HMCN2: variants seen among roughly 807,000 people sequenced by gnomAD.
HMCN2 encodes hemicentin 2.
A neutral mutation model predicts 377.5 loss-of-function variants in HMCN2; 325 were observed. That is an observed-to-expected ratio of 0.86 (90% CI 0.79 to 0.94). The LOEUF is 0.94. Ranked by LOEUF, HMCN2 falls within the 40% of genes least tolerant of loss-of-function variation. HMCN2 has a pLI of 0.00. For missense variants in HMCN2, 4,543 were observed against 4,725.3 expected (o/e 0.96, Z 1.13); for synonymous variants, 2,007 against 2,046.8 (o/e 0.98, Z 0.53).
intron 90 of HMCN2, 23 bp from the exon 91 acceptor site, chr9:130,427,290 A>G (rs1318672698): frequency 4.5e-6 from 7 of 1,550,110 alleles, no homozygotes; most frequent in Non-Finnish European, 6.1e-6. Flanking sequence ...ATGTCCTTAG[A>G]GTCTATCCTC....
chr9:130,350,376 T>TAGAAAAAA (rs1839636955), intron 29 of HMCN2, among the ~76,000 whole-genome samples: 1 of 20,522 alleles, frequency 4.9e-5, no homozygotes, highest in Non-Finnish European at 1.5e-4. Flanking sequence ...CTGCTAAAAA[T>TAGAAAAAA]ACAAAAAAAT....
At chr9:130,386,041 C>T (rs565382858) in intron 60 of HMCN2, among the ~76,000 whole-genome samples, 115 of 152,310 alleles carry the variant, frequency 7.6e-4, no homozygotes, top group Middle Eastern at 3.4e-3. Context: ...TCCGCTCCGG[C>T]TGACCATCTG....
intron 35 of HMCN2, 67 bp from the exon 36 acceptor site, chr9:130,358,323 G>A (rs1361702017): frequency 6.9e-6 from 9 of 1,299,406 alleles, no homozygotes; most frequent in South Asian, 1.2e-5. Context: ...CAGCAGCCTG[G>A]CCACTCGCCA....
chr9:130,410,685 G>T (rs1843362528), intron 85 of HMCN2, 33 bp downstream of exon 85: 1 of 1,542,126 alleles, frequency 6.5e-7, no homozygotes, highest in South Asian at 1.2e-5. Flanking sequence ...TGGGGACGTG[G>T]GAAGTGTGCT....
chr9:130,362,807 CCCTTGGGG>C (rs1840453660), intron 39 of HMCN2, 52 bp from the exon 40 acceptor site: 1 of 985,106 alleles, frequency 1.0e-6, no homozygotes, highest in African/African-American at 1.7e-5. Context: ...GGGGTTCTGC[CCCTTGGGG>C]CCTGCAACAG....
intron 34 of HMCN2, 36 bp downstream of exon 34, chr9:130,356,293 G>A: frequency 9.5e-6 from 12 of 1,267,008 alleles, no homozygotes; most frequent in Non-Finnish European, 1.2e-5. Flanking sequence ...GCTGTGGGCA[G>A]CCTGAGATGC....
At chr9:130,277,694 T>TCACCACCACCACCATCATCATCAC (rs1564739119) in intron 1 of HMCN2, among the ~76,000 whole-genome samples, 7 of 148,932 alleles carry the variant, frequency 4.7e-5, no homozygotes, top group Admixed American at 6.8e-5. Context: ...ACCATCATCA[T>TCACCACCACCACCATCATCATCAC]CACCACCACC....
At chr9:130,408,366 G>T (rs1261133897) in intron 83 of HMCN2, among the ~76,000 whole-genome samples, 1 of 152,130 alleles carries the variant, frequency 6.6e-6, no homozygotes, top group Non-Finnish European at 1.5e-5. Flanking sequence ...TATAGTTATT[G>T]ATTTCCAAAG....
chr9:130,357,844 G>A lies in HMCN2; in HGVS notation c.5436G>A (p.Ser1812=), dbSNP rs112952057. Residue 1812 remains serine (S), a synonymous_variant, in exon 35 of 98, where the codon TCG becomes TCA. Coordinates refer to ENST00000683500, the MANE Select transcript of HMCN2 (RefSeq NM_001291815.2). ...EVEVSVHEFP[S]VSIIGGENIT... ...TCTTTCCCTTCCCAGAGTTCCCATC[G>A]GTCAGTATCATTGGGGGTGAGAACA... The A allele has an allele frequency of 3.8e-5, 50 of 1,303,282 alleles. No homozygotes were observed. Among genetic ancestry groups the A allele is most frequent in the East Asian group, 1.1e-4 (2 of 17,984 alleles). 80.7% of individuals were successfully genotyped at this position (1,303,282 alleles called of 1,614,324 possible).
chr9:130,284,385 C>T (rs905219086), intron 1 of HMCN2, among the ~76,000 whole-genome samples: 6 of 152,154 alleles, frequency 3.9e-5, no homozygotes, highest in Non-Finnish European at 7.3e-5. Flanking sequence ...CCCTGGAGCT[C>T]GGGTCCTGCT....
At chr9:130,424,515 A>G (rs1299290364) in intron 87 of HMCN2, among the ~76,000 whole-genome samples, 3 of 152,036 alleles carry the variant, frequency 2.0e-5, no homozygotes, top group Non-Finnish European at 1.5e-5. Context: ...TTTTGTAGAG[A>G]CAGAGTCTCA....
At position 130,394,444 on chromosome 9, in the gene HMCN2, CCCAT is replaced by C; in HGVS notation, c.10562_10565del (p.Pro3521ArgfsTer24). On this transcript the variant is annotated frameshift_variant, in exon 69 of 98. Coordinates refer to ENST00000683500, the MANE Select transcript of HMCN2 (RefSeq NM_001291815.2). LOFTEE classifies it high-confidence loss of function. The surrounding 1 kb of genome is among the most constrained non-coding windows in gnomAD (Gnocchi z 5.1). Reference sequence around the variant, plus strand: ...AGAGCTGTCGCTGACCCCCGGCGCCCCCATGGAGCTCCTCTGTGATGCCCAGGGC... The same window carrying C: ...AGAGCTGTCGCTGACCCCCGGCGCCCGGAGCTCCTCTGTGATGCCCAGGGC... The C allele has an allele frequency of 7.8e-7, 1 of 1,289,786 alleles. No homozygotes were observed. Among genetic ancestry groups the C allele is most frequent in the Non-Finnish European group, 1.0e-6 (1 of 988,826 alleles). The allele number at this position is 1,289,786 out of a possible 1,614,324, so 79.9% of individuals were successfully genotyped here.
At chr9:130,353,254 C>T (rs1047544798) in intron 31 of HMCN2, 49 bp downstream of exon 31, 2 of 1,283,522 alleles carry the variant, frequency 1.6e-6, no homozygotes, top group Non-Finnish European at 2.0e-6. Flanking sequence ...GGGAGGGACT[C>T]AGCCATGGTG....
chr9:130,427,556 G>C lies in HMCN2; in HGVS notation c.14002G>C (p.Gly4668Arg). 1 of 1,550,490 alleles carries C rather than the reference G, an allele frequency of 6.4e-7. No homozygotes were observed. The highest frequency in any genetic ancestry group is 1.2e-5 in the South Asian group (1 of 84,058). The change falls in exon 92 of 98, where the codon GGC (glycine) becomes CGC (arginine). Residue 4668 changes from glycine to arginine, a missense_variant. Coordinates refer to ENST00000683500, the MANE Select transcript of HMCN2 (RefSeq NM_001291815.2). ...CTCCCATGCCTGCCTTAATGCACCC[G>C]GCCGCTTCTCCTGCACCTGCCCCAC... The part of the protein sequence containing the change: ...PCSHACLNAP[G>R]RFSCTCPTGF...
In HMCN2 at chr9:130,379,337, A is replaced by G. The variant is rs1055766025; in HGVS notation, c.8301A>G (p.Glu2767=). 4.1e-6 allele frequency: 4 copies of G among 985,676 alleles called. No individual in the cohort carries two copies. The highest frequency in any genetic ancestry group is 4.8e-6 in the Non-Finnish European group (4 of 829,934). 61.1% of individuals were successfully genotyped at this position (985,676 alleles called of 1,614,324 possible). A position where few individuals can be genotyped will look rare whatever the true frequency, so the allele number is the denominator to read the frequency against. The change falls in exon 54 of 98, where the codon GAA becomes GAG. Residue 2767 remains glutamate, a synonymous_variant. Coordinates refer to ENST00000683500, the MANE Select transcript of HMCN2 (RefSeq NM_001291815.2). ...REEEARGGVT[E]YREIVENNPA... The stretch of plus-strand genomic sequence containing the variant: ...AGGAGGCCCGGGGCGGAGTCACGGA[A>G]TACAGGGAGATCGTGGAGAACAACC...
Position 130,382,192 on chromosome 9 carries a change from G to C in HMCN2, c.8440G>C (p.Val2814Leu), listed in dbSNP as rs1841763983. 1.0e-6 allele frequency: 1 copy of C among 985,514 alleles called. No homozygotes were observed. The highest frequency in any genetic ancestry group is 4.7e-5 in the South Asian group (1 of 21,288). The allele number at this position is 985,514 out of a possible 1,614,324, so 61.0% of individuals were successfully genotyped here. The change falls in exon 55 of 98, where the codon GTC (valine) becomes CTC (leucine). Residue 2814 changes from valine to leucine, a missense_variant. Physicochemically the swap from Val to Leu is conservative, Grantham distance 32. Transcript: ENST00000683500. ...DEVSVLQGGR[V>L]LQIPLVRAEN... ...GTCCCGTGTCCCTGCAGGAGGCCGG[G>C]TCCTGCAGATCCCCCTGGTGCGGGC...
At position 130,428,404 on chromosome 9, in the gene HMCN2, G is replaced by A; in HGVS notation, c.14112G>A (p.Gln4704=). The change falls in exon 93 of 98, where the codon CAG becomes CAA. Residue 4704 remains glutamine (Q), a synonymous_variant. Transcript: ENST00000683500. This position sits in a 1 kb window ranked among gnomAD's most constrained non-coding sequence, Gnocchi z 5.0. ...AWDAHLCREG[Q]RCVNLLGSYR... is the part of the protein sequence containing the mutation. ...ATGCTCACCTCTGCCGAGAGGGACA[G>A]CGCTGTGTGAACCTGCTCGGGTCCT... 6.5e-7 allele frequency: 1 copy of A among 1,547,856 alleles called. No individual in the cohort carries two copies.
At chr9:130,380,269 A>AT (rs577765727) in intron 54 of HMCN2, among the ~76,000 whole-genome samples, 6 of 152,242 alleles carry the variant, frequency 3.9e-5, no homozygotes, top group South Asian at 4.1e-4. Flanking sequence ...TTTTAGAATA[A>AT]TTTTTTGTAG....
rs1836650109 is a variant in HMCN2, at chr9:130,303,584, G to A, written c.1519G>A (p.Ala507Thr). ...TAVSRAGTGR[A>T]KAQIVVTDPP... ...CGTCAGCAGGGCTGGGACCGGGCGA[G>A]CAAAGGCCCAGATTGTTGTCACAGG... Residue 507 changes from alanine (A) to threonine (T), a missense_variant, in exon 10 of 98, where the codon GCA becomes ACA. This residue lies in a region of HMCN2 where 547 missense variants were observed against 189.9 expected (regional missense o/e 2.88). Transcript: ENST00000683500. This position sits in a 1 kb window ranked among gnomAD's most constrained non-coding sequence, Gnocchi z 5.2. 8.4e-6 allele frequency: 3 copies of A among 357,422 alleles called. No individual in the cohort carries two copies. Among genetic ancestry groups the A allele is most frequent in the Non-Finnish European group, 1.8e-5 (3 of 166,194 alleles). The allele number at this position is 357,422 out of a possible 1,614,324, so 22.1% of individuals were successfully genotyped here. A position where few individuals can be genotyped will look rare whatever the true frequency, so the allele number is the denominator to read the frequency against.
Sources: gnomAD v4.1 joint callset for allele counts (sites outside exome capture counted in the v4.1 genomes callset) on GRCh38, gnomAD v4.1.1 for gene constraint, gnomAD v4.1.1 regional missense constraint, Gnocchi (gnomAD v3.1) non-coding constraint, MANE v1.5 for transcripts, NCBI Gene and HGNC (gene_info 2026-07-23, HGNC 2026-07-21) for gene names.